The following JARID2 variants were observed in gnomAD, a reference collection of about 807,000 sequenced individuals.
The protein encoded by JARID2 is protein Jumonji.
JARID2 carries 21 observed loss-of-function variants against 125.6 expected under a neutral mutation model. The ratio of observed to expected loss-of-function variants is 0.17; its 90% CI spans 0.12 to 0.24. The LOEUF is 0.24. Among genes scored for constraint, JARID2 ranks in the 10% least tolerant of loss-of-function variants. The pLI is 1.00. For synonymous variants in JARID2, 736 were observed against 661.6 expected, an observed-to-expected ratio of 1.11 and a Z score of -1.73; for missense variants, 1,303 against 1,639.6, an observed-to-expected ratio of 0.79 and a Z score of 3.55.
intron 1 of JARID2, among the ~76,000 whole-genome samples, chr6:15,353,599 A>G (rs1214060910): frequency 1.3e-5 from 2 of 152,034 alleles, no homozygotes; most frequent in Admixed American, 1.3e-4. Context: ...CTGCTGGCTC[A>G]GAAGTTAGGA....
At chr6:15,377,825 C>A (rs977624471) in intron 2 of JARID2, among the ~76,000 whole-genome samples, 11 of 128,698 alleles carry the variant, frequency 8.5e-5, no homozygotes, top group African/African-American at 3.2e-4. Context: ...AGCCACCTGT[C>A]CCGAGCCAGG....
At chr6:15,322,747 G>A (rs1235180191) in intron 1 of JARID2, among the ~76,000 whole-genome samples, 2 of 152,188 alleles carry the variant, frequency 1.3e-5, no homozygotes, top group East Asian at 1.9e-4. Context: ...TGGGGGTGAT[G>A]TTTTGTATGA....
intron 3 of JARID2, among the ~76,000 whole-genome samples, chr6:15,435,837 T>A (rs531548941): frequency 1.2e-3 from 188 of 152,004 alleles, no homozygotes; most frequent in African/African-American, 4.1e-3. Flanking sequence ...TTTTTTTTTT[T>A]AAACTTTGAA....
At chr6:15,387,109 T>C (rs1764816289) in intron 2 of JARID2, among the ~76,000 whole-genome samples, 1 of 152,148 alleles carries the variant, frequency 6.6e-6, no homozygotes, top group African/African-American at 2.4e-5. Flanking sequence ...GACTTGGCTT[T>C]TTTCCCCAGA....
intron 1 of JARID2, chr6:15,247,770 C>T (rs1759241389): frequency 1.0e-6 from 1 of 985,334 alleles, no homozygotes. Context: ...TCAACTTCAA[C>T]TATGAAAGAA....
chr6:15,395,724 G>T (rs1340865228), intron 2 of JARID2, among the ~76,000 whole-genome samples: 1 of 151,862 alleles, frequency 6.6e-6, no homozygotes, highest in Non-Finnish European at 1.5e-5. Context: ...GAGTGCAGTG[G>T]CGAGATCTCA....
intron 2 of JARID2, among the ~76,000 whole-genome samples, chr6:15,388,026 G>T (rs577370490): frequency 1.3e-5 from 2 of 152,168 alleles, no homozygotes; most frequent in Non-Finnish European, 2.9e-5. Flanking sequence ...GAGGTGACTT[G>T]TTTGTGAATA....
At chr6:15,352,782 AAAT>A (rs1176690331) in intron 1 of JARID2, among the ~76,000 whole-genome samples, 2 of 152,170 alleles carry the variant, frequency 1.3e-5, no homozygotes, top group Non-Finnish European at 2.9e-5. Context: ...AATTCACTGT[AAAT>A]AATGTGTACA....
At chr6:15,462,509 G>T (rs1192518761) in intron 4 of JARID2, among the ~76,000 whole-genome samples, 1 of 152,214 alleles carries the variant, frequency 6.6e-6, no homozygotes, top group African/African-American at 2.4e-5. Flanking sequence ...GCTTTCTTCT[G>T]TGACTTCTTT....
chr6:15,400,919 C>G (rs1416367344), intron 2 of JARID2: 47 of 1,289,080 alleles, frequency 3.6e-5, no homozygotes, highest in Non-Finnish European at 4.8e-5. Context: ...CCTTCTTCCT[C>G]TCTGTCTCTC....
chr6:15,428,750 A>G (rs921420966), intron 3 of JARID2, among the ~76,000 whole-genome samples: 2 of 152,052 alleles, frequency 1.3e-5, no homozygotes, highest in African/African-American at 4.8e-5. Flanking sequence ...TACTTAAAAT[A>G]CAAAAATTAG....
intron 4 of JARID2, among the ~76,000 whole-genome samples, chr6:15,453,560 C>T (rs1768015603): frequency 6.6e-6 from 1 of 152,168 alleles, no homozygotes. Context: ...CCCGTCTCAG[C>T]CTTTGCAGTG....
chr6:15,382,958 C>A lies in JARID2; in HGVS notation c.181+8706C>A, dbSNP rs114564272. Reference sequence around the variant, plus strand: ...ACGACTTTAGGAGGGACACAGCACTCAGGTAGTGTCACCTGGGTAGTGGAG... The same window carrying A: ...ACGACTTTAGGAGGGACACAGCACTAAGGTAGTGTCACCTGGGTAGTGGAG... On this transcript the variant is annotated intron_variant, in intron 2 of 17. Transcript: ENST00000341776. Among the ~76,000 whole-genome samples the A allele has an allele frequency of 3.3e-3, 501 of 152,282 alleles. 2 individuals carry two copies. The highest frequency in any genetic ancestry group is 0.012 in the African/African-American group (480 of 41,546).
intron 1 of JARID2, among the ~76,000 whole-genome samples, chr6:15,346,709 G>A (rs556325960): frequency 2.6e-5 from 4 of 151,586 alleles, no homozygotes; most frequent in Admixed American, 2.6e-4. Flanking sequence ...AGCTTGTAGT[G>A]GTCAAGTTAT....
chr6:15,289,256 G>A (rs1332504161), intron 1 of JARID2, among the ~76,000 whole-genome samples: 2 of 152,176 alleles, frequency 1.3e-5, no homozygotes, highest in Non-Finnish European at 2.9e-5. Flanking sequence ...AAATAAAAAA[G>A]AATAATGAAA....
chr6:15,404,882 G>C (rs545454534), intron 2 of JARID2, among the ~76,000 whole-genome samples: 10 of 152,210 alleles, frequency 6.6e-5, no homozygotes, highest in African/African-American at 1.9e-4. Flanking sequence ...TTTTCCTTTA[G>C]TTTTCTATTG....
intron 2 of JARID2, among the ~76,000 whole-genome samples, chr6:15,404,519 GCACA>G (rs3138770): frequency 0.067 from 9,283 of 137,782 alleles, 285 homozygotes; most frequent in African/African-American, 0.072. Flanking sequence ...ATCTTAAAGT[GCACA>G]CACACACACA....
chr6:15,247,564 A>G (rs554382433), intron 1 of JARID2: 2 of 983,800 alleles, frequency 2.0e-6, no homozygotes, highest in Admixed American at 6.2e-5. Flanking sequence ...CCAAATGAAC[A>G]TACCTTAGGA....
chr6:15,436,528 G>A (rs1767211602), intron 3 of JARID2, among the ~76,000 whole-genome samples: 1 of 152,126 alleles, frequency 6.6e-6, no homozygotes, highest in Non-Finnish European at 1.5e-5. Context: ...AGATCAGGGT[G>A]GTCTTGGAAA....
Sources: allele counts gnomAD v4.1 joint callset (sites outside exome capture counted in the v4.1 genomes callset), GRCh38; gene constraint gnomAD v4.1.1; transcripts MANE v1.5; gene names NCBI Gene and HGNC (gene_info 2026-07-23, HGNC 2026-07-21).